TMEM132B: variants seen among roughly 807,000 people sequenced by gnomAD.
TMEM132B encodes transmembrane protein 132B.
Under a neutral mutation model 90.8 loss-of-function variants are expected in TMEM132B, and 18 were observed. That is an observed-to-expected ratio of 0.20 (90% confidence interval 0.14 to 0.29). The LOEUF is 0.29. TMEM132B is among the 10% of genes least tolerant of loss of function. The probability of loss-of-function intolerance (pLI) is 1.00; values close to 1 mark genes in which losing one functional copy is unlikely to be tolerated. For synonymous variants in TMEM132B, 504 were observed against 523.3 expected, an observed-to-expected ratio of 0.96 and a Z score of 0.50; for missense variants, 1,096 against 1,326.8, an observed-to-expected ratio of 0.83 and a Z score of 2.70.
chr12:125,447,803 A>C (rs936839763), intron 3 of TMEM132B, among the ~76,000 whole-genome samples: 8 of 152,118 alleles, frequency 5.3e-5, no homozygotes, highest in African/African-American at 1.9e-4. Context: ...TTCTCTCAGC[A>C]CTTTGAATAT....
chr12:125,214,124 G>A (rs1181986771), intron 1 of TMEM132B, among the ~76,000 whole-genome samples: 2 of 152,212 alleles, frequency 1.3e-5, no homozygotes, highest in African/African-American at 4.8e-5. Context: ...TTAGCTTCAG[G>A]AGGAGGTGTT....
intron 3 of TMEM132B, among the ~76,000 whole-genome samples, chr12:125,430,439 G>A (rs1880466237): frequency 6.6e-6 from 1 of 152,218 alleles, no homozygotes; most frequent in Non-Finnish European, 1.5e-5. Flanking sequence ...CCGGTCTAGG[G>A]AAATGCTGTT....
intron 5 of TMEM132B, chr12:125,586,944 A>G (rs984568751): frequency 3.3e-5 from 5 of 152,202 alleles, no homozygotes; most frequent in Non-Finnish European, 4.4e-5. Flanking sequence ...AGGAAAAAAC[A>G]TTCATCGTAG....
intron 1 of TMEM132B, among the ~76,000 whole-genome samples, chr12:125,298,686 A>AAG (rs1484046417): frequency 1.3e-5 from 2 of 149,304 alleles, no homozygotes; most frequent in Middle Eastern, 3.4e-3. Context: ...AAAAAAAAAA[A>AAG]AAAGTGTTAC....
chr12:125,368,108 T>C (rs1377064368), intron 2 of TMEM132B, among the ~76,000 whole-genome samples: 1 of 152,234 alleles, frequency 6.6e-6, no homozygotes, highest in Non-Finnish European at 1.5e-5. Flanking sequence ...ATAGTTACTT[T>C]ACCACAGTAT....
intron 1 of TMEM132B, among the ~76,000 whole-genome samples, chr12:125,294,222 C>T (rs1565995076): frequency 6.6e-6 from 1 of 152,214 alleles, no homozygotes. Context: ...GGCTTTTGTT[C>T]TGTATAACTG....
intron 5 of TMEM132B, among the ~76,000 whole-genome samples, chr12:125,590,560 G>A (rs935463893): frequency 6.6e-6 from 1 of 152,142 alleles, no homozygotes; most frequent in Non-Finnish European, 1.5e-5. Flanking sequence ...GTAAAGACTT[G>A]GACCTGATCC....
chr12:125,295,687 CGTA>C (rs1348616370), intron 1 of TMEM132B, among the ~76,000 whole-genome samples: 5 of 152,088 alleles, frequency 3.3e-5, no homozygotes, highest in African/African-American at 1.2e-4. Context: ...TTGCCCAAAG[CGTA>C]GGAGGCAGAC....
intron 1 of TMEM132B, among the ~76,000 whole-genome samples, chr12:125,201,484 C>G (rs1873060106): frequency 6.6e-6 from 1 of 152,256 alleles, no homozygotes; most frequent in Non-Finnish European, 1.5e-5. Flanking sequence ...TACTACAGCA[C>G]TTCCTGTCAG....
At chr12:125,187,163 A>T (rs1416948223) in intron 1 of TMEM132B, among the ~76,000 whole-genome samples, 4 of 152,096 alleles carry the variant, frequency 2.6e-5, no homozygotes, top group Non-Finnish European at 5.9e-5. Flanking sequence ...CGACTGCAGG[A>T]ATCGAGCCCC....
chr12:125,523,600 G>C (rs114198308), intron 4 of TMEM132B, among the ~76,000 whole-genome samples: 1 of 152,336 alleles, frequency 6.6e-6, no homozygotes, highest in African/African-American at 2.4e-5. Flanking sequence ...GGAGGGGGCT[G>C]TTATTTTCCT....
At chr12:125,293,182 G>A (rs184083936) in intron 1 of TMEM132B, among the ~76,000 whole-genome samples, 1 of 152,238 alleles carries the variant, frequency 6.6e-6, no homozygotes, top group Non-Finnish European at 1.5e-5. Flanking sequence ...GGCACAATTT[G>A]TCAGACTCCC....
chr12:125,211,534 T>G (rs895063029), intron 1 of TMEM132B, among the ~76,000 whole-genome samples: 2 of 152,106 alleles, frequency 1.3e-5, no homozygotes, highest in Non-Finnish European at 2.9e-5. Context: ...CTCCAGGGCA[T>G]AGAATGTTGG....
chr12:125,533,666 G>GCCCTCCCCTC lies in TMEM132B; in HGVS notation c.1293+14045_1293+14054dup, dbSNP rs71447047. On this transcript the variant is annotated intron_variant, in intron 4 of 8. Coordinates refer to ENST00000682704, the MANE Select transcript of TMEM132B (RefSeq NM_001366854.1). Reference sequence around the variant, plus strand: ...GCAGACCGGCTTGTACAGGCCGCGCGCCCTCCCCTCCCCGGCGGAGGCTCC... The same window carrying GCCCTCCCCTC: ...GCAGACCGGCTTGTACAGGCCGCGCGCCCTCCCCTCCCCTCCCCTCCCCGGCGGAGGCTCC... Among the ~76,000 whole-genome samples the GCCCTCCCCTC allele has an allele frequency of 6.7e-4, 101 of 151,836 alleles. No homozygotes were observed. In the East Asian group the frequency reaches 0.014, roughly 21 times the overall value.
intron 5 of TMEM132B, among the ~76,000 whole-genome samples, chr12:125,632,484 A>G (rs1374097438): frequency 6.6e-6 from 1 of 152,094 alleles, no homozygotes; most frequent in Admixed American, 6.5e-5. Context: ...ATTACTAGTG[A>G]GTTTTGCACC....
intron 1 of TMEM132B, among the ~76,000 whole-genome samples, chr12:125,325,959 C>T (rs1876551568): frequency 6.6e-6 from 1 of 151,998 alleles, no homozygotes; most frequent in African/African-American, 2.4e-5. Context: ...TCTTTGACTT[C>T]CTGGTTTGCT....
intron 6 of TMEM132B, among the ~76,000 whole-genome samples, chr12:125,646,732 T>C (rs1886772611): frequency 6.6e-6 from 1 of 152,208 alleles, no homozygotes; most frequent in African/African-American, 2.4e-5. Context: ...CAAATTTAAC[T>C]ACAATAGATT....
At chr12:125,379,714 G>T (rs1345890078) in intron 2 of TMEM132B, among the ~76,000 whole-genome samples, 3 of 152,214 alleles carry the variant, frequency 2.0e-5, no homozygotes, top group Non-Finnish European at 4.4e-5. Flanking sequence ...TTGCCATTGA[G>T]CAGAGCCCAT....
intron 2 of TMEM132B, among the ~76,000 whole-genome samples, chr12:125,386,758 C>G (rs1040032097): frequency 2.0e-5 from 3 of 152,138 alleles, no homozygotes; most frequent in Non-Finnish European, 4.4e-5. Flanking sequence ...TTTCCTGGAT[C>G]CAGTGAAATC....
Sources: gnomAD v4.1 joint callset for allele counts (sites outside exome capture counted in the v4.1 genomes callset) on GRCh38, gnomAD v4.1.1 for gene constraint, MANE v1.5 for transcripts, NCBI Gene and HGNC (gene_info 2026-07-23, HGNC 2026-07-21) for gene names.